The following ANO7 variants were observed in gnomAD, a reference collection of about 807,000 sequenced individuals.
ANO7 encodes the protein anoctamin 7, also known as anoctamin-7.
Under a neutral mutation model 115.8 loss-of-function variants are expected in ANO7, and 114 were observed. That is an observed-to-expected ratio of 0.98 (90% confidence interval 0.85 to 1.15). ANO7 has a LOEUF of 1.15. Among genes scored for constraint, ANO7 ranks in the 50% most tolerant of loss-of-function variants. The pLI, the probability that ANO7 is intolerant of heterozygous loss-of-function variation, is 0.00. For synonymous variants in ANO7, 550 were observed against 498.2 expected (o/e 1.10, Z -1.38); for missense variants, 1,302 against 1,201.2 (o/e 1.08, Z -1.24).
chr2:241,212,996 A>C, intron 17 of ANO7: 1 of 234,356 alleles, frequency 4.3e-6, no homozygotes, highest in Non-Finnish European at 8.4e-6. Context: ...GCAAACCAAA[A>C]ACCCTACCCC....
intron 17 of ANO7, chr2:241,213,017 T>G: frequency 1.3e-5 from 3 of 228,186 alleles, no homozygotes; most frequent in Non-Finnish European, 2.6e-5. Flanking sequence ...ACCCCAGCTG[T>G]CCCAGCCCGT....
At chr2:241,230,446 G>GC (rs2069605393), downstream of ANO7, among the ~76,000 whole-genome samples, 1 of 152,246 alleles carries the variant, frequency 6.6e-6, no homozygotes, top group Non-Finnish European at 1.5e-5. This position sits in a 1 kb window ranked among gnomAD's most constrained non-coding sequence, Gnocchi z 5.0. Flanking sequence ...TATCTCAGGA[G>GC]CACCTTGTTC....
chr2:241,224,132 G>A lies in ANO7; in HGVS notation c.2619G>A (p.Lys873=). The A allele has an allele frequency of 6.2e-7, 1 of 1,614,086 alleles. No individual in the cohort carries two copies. The highest frequency in any genetic ancestry group is 8.5e-7 in the Non-Finnish European group (1 of 1,180,016). ...SSHWTPFTVP[K]ASQLQQ ...ACTGGACACCCTTCACGGTTCCCAA[G>A]GCCAGCCAGCTGCAGCAGTGACGCC... The change falls in exon 25 of 25, where the codon AAG becomes AAA. Residue 873 remains lysine (K), a synonymous_variant. Coordinates refer to ENST00000674324, the MANE Select transcript of ANO7 (RefSeq NM_001370694.2).
At chr2:241,231,137 C>A in the ANO7 span, 1 of 554,148 alleles carries the variant, frequency 1.8e-6, no homozygotes, top group Non-Finnish European at 3.2e-6. Context: ...GTAATCCCAG[C>A]ACTTTGGGAG....
chr2:241,207,531 C>T (rs1374439596), intron 10 of ANO7, 43 bp from the exon 11 acceptor site: 1 of 1,561,444 alleles, frequency 6.4e-7, no homozygotes, highest in Non-Finnish European at 8.8e-7. Context: ...CAAGCAGCCC[C>T]CCTCCCCCAT....
At chr2:241,217,580 T>G in intron 19 of ANO7, 106 bp from the exon 20 acceptor site, 1 of 1,276,468 alleles carries the variant, frequency 7.8e-7, no homozygotes, top group Non-Finnish European at 1.1e-6. Context: ...TGAGCCGCGA[T>G]GGGGTGGCGG....
chr2:241,224,770 C>T lies in ANO7; in HGVS notation c.*617C>T, dbSNP rs1286578604. The T allele has an allele frequency of 2.6e-5, 4 of 152,584 alleles. No individual in the cohort carries two copies. Among genetic ancestry groups the T allele is most frequent in the Admixed American group, 2.6e-4 (4 of 15,304 alleles). The allele number at this position is 152,584 out of a possible 1,614,324, so 9.5% of individuals were successfully genotyped here. Reference sequence around the variant, plus strand: ...TTCTTGAATCAGGCTCTGCTTTCCCCCTAGCCACTACAGGCAGCCTCTGAC... The same window carrying T: ...TTCTTGAATCAGGCTCTGCTTTCCCTCTAGCCACTACAGGCAGCCTCTGAC... On this transcript the variant is annotated 3_prime_UTR_variant, in exon 25 of 25. Transcript: ENST00000674324.
chr2:241,191,289 G>A, intron 3 of ANO7, 38 bp downstream of exon 3: 1 of 1,610,480 alleles, frequency 6.2e-7, no homozygotes, highest in Non-Finnish European at 8.5e-7. Context: ...ACCCGTGTTG[G>A]TCCTGAGGGT....
chr2:241,200,096 C>T lies in ANO7; in HGVS notation c.425C>T (p.Pro142Leu), dbSNP rs2068433318. The change falls in exon 6 of 25, where the codon CCC becomes CTC. Residue 142 changes from proline to leucine, a missense_variant. By Grantham distance (98) the Pro-to-Leu change is moderately conservative (BLOSUM62 -3). Coordinates refer to ENST00000674324, the MANE Select transcript of ANO7 (RefSeq NM_001370694.2). The stretch of plus-strand genomic sequence containing the variant: ...ACTGACGTTTCCTTCCAGGAGTTAC[C>T]CAACCAGGCCTCCAACTGGTCGGCC... ...LRLKLPLQEL[P>L]NQASNWSAGL... 1 of 1,612,292 alleles carries T rather than the reference C, an allele frequency of 6.2e-7. No individual in the cohort carries two copies. The highest frequency in any genetic ancestry group is 8.5e-7 in the Non-Finnish European group (1 of 1,179,970).
chr2:241,229,784 G>GGGGGC, downstream of ANO7: 5 of 1,502,538 alleles, frequency 3.3e-6, no homozygotes, highest in Non-Finnish European at 4.6e-6. Context: ...AAGCCCGCCT[G>GGGGGC]CCCGCCCACC....
the ANO7 span, chr2:241,240,174 A>G: frequency 1.9e-6 from 3 of 1,558,790 alleles, no homozygotes; most frequent in Non-Finnish European, 1.8e-6. This position sits in a 1 kb window ranked among gnomAD's most constrained non-coding sequence, Gnocchi z 5.5. Context: ...CCTGGACCAC[A>G]GTGAGGAAGA....
Position 241,224,077 on chromosome 2 carries a change from G to GC in ANO7, c.2584-15dup. The stretch of plus-strand genomic sequence containing the variant: ...CCTGGCCCTAGTCTGACTTGTCCCT[G>GC]CCCCCAACCCTCTCCCCAGCTCAGC... On this transcript the variant is annotated intron_variant, in intron 24 of 24. Coordinates refer to ENST00000674324, the MANE Select transcript of ANO7 (RefSeq NM_001370694.2). The GC allele has an allele frequency of 1.2e-6, 2 of 1,613,778 alleles. No homozygotes were observed. Among genetic ancestry groups the GC allele is most frequent in the Non-Finnish European group, 1.7e-6 (2 of 1,179,868 alleles).
chr2:241,190,160 C>A lies in ANO7; in HGVS notation c.97C>A (p.His33Asn), dbSNP rs370288925. The A allele has an allele frequency of 6.4e-7, 1 of 1,563,220 alleles. No homozygotes were observed. The highest frequency in any genetic ancestry group is 2.4e-5 in the East Asian group (1 of 42,002). The part of the protein sequence containing the change: ...EKRGSYGSTA[H>N]ASEPGGQQAA... ...GAGGGGCTCTTACGGGAGCACAGCC[C>A]ACGCCTCGGAGGTAACAGCACCCAG... is the stretch of plus-strand genomic sequence containing the variant. Residue 33 changes from histidine to asparagine, a missense_variant, in exon 2 of 25, where the codon CAC becomes AAC. His to Asn is a moderately conservative substitution (Grantham distance 68, BLOSUM62 1). Transcript: ENST00000674324.
At chr2:241,199,644 C>G (rs975714676) in intron 5 of ANO7, among the ~76,000 whole-genome samples, 1 of 152,186 alleles carries the variant, frequency 6.6e-6, no homozygotes, top group African/African-American at 2.4e-5. Context: ...GTCGGGTGAA[C>G]AGTGCGTGTG....
At chr2:241,214,464 C>T (rs1382553674) in intron 17 of ANO7, among the ~76,000 whole-genome samples, 2 of 152,312 alleles carry the variant, frequency 1.3e-5, no homozygotes, top group Middle Eastern at 3.4e-3. Context: ...ACTGGGTCAC[C>T]GATTGGTGGG....
At chr2:241,210,636 T>A (rs2068701252) in intron 15 of ANO7, 66 bp downstream of exon 15, 1 of 1,359,418 alleles carries the variant, frequency 7.4e-7, no homozygotes, top group Non-Finnish European at 1.1e-6. Flanking sequence ...AGCCAGAACG[T>A]GACTTTCTCA....
chr2:241,202,068 C>T (rs185924945), intron 7 of ANO7, 126 bp from the exon 8 acceptor site: 45 of 713,504 alleles, frequency 6.3e-5, no homozygotes, highest in Non-Finnish European at 9.4e-5. Flanking sequence ...TCCATCAGAT[C>T]GCTATTGTCA....
At chr2:241,220,975 A>G (rs2068997900) in intron 21 of ANO7, among the ~76,000 whole-genome samples, 1 of 150,974 alleles carries the variant, frequency 6.6e-6, no homozygotes. Flanking sequence ...TGTCTCAGGA[A>G]AAAAAAAAGA....
rs374747359 is a variant in ANO7 at position 241,203,361 on chromosome 2, C to T, written c.752C>T (p.Pro251Leu). The T allele has an allele frequency of 3.1e-5, 49 of 1,581,726 alleles. No homozygotes were observed. Among genetic ancestry groups the T allele is most frequent in the African/African-American group, 1.8e-4 (13 of 73,092 alleles). The change falls in exon 9 of 25, where the codon CCG (proline) becomes CTG (leucine). Residue 251 changes from proline to leucine, a missense_variant. By Grantham distance (98) the Pro-to-Leu change is moderately conservative. Coordinates refer to ENST00000674324, the MANE Select transcript of ANO7 (RefSeq NM_001370694.2). This position sits in a 1 kb window ranked among gnomAD's most constrained non-coding sequence, Gnocchi z 4.8. ...DGPFKTPPEG[P>L]QAPRLNQRQV... The stretch of plus-strand genomic sequence containing the variant: ...CCCTTCAAGACGCCCCCAGAGGGCC[C>T]GCAGGCTCCACGCCTCAACCAGCGC...
Sources: allele counts gnomAD v4.1 joint callset (sites outside exome capture counted in the v4.1 genomes callset), GRCh38; gene constraint gnomAD v4.1.1; non-coding constraint Gnocchi (gnomAD v3.1); transcripts MANE v1.5; gene names NCBI Gene and HGNC (gene_info 2026-07-23, HGNC 2026-07-21).